Variants in SPATA13 observed in about 807,000 individuals in gnomAD.
The protein encoded by SPATA13 is spermatogenesis associated 13.
In SPATA13, 50 loss-of-function variants were observed where a neutral mutation model predicts 104.0. The ratio of observed to expected loss-of-function variants is 0.48; its 90% CI spans 0.38 to 0.61. SPATA13 has a LOEUF of 0.61. Among genes scored for constraint, SPATA13 ranks in the 20% least tolerant of loss-of-function variants. The pLI, the probability that SPATA13 is intolerant of heterozygous loss-of-function variation, is 0.00. For synonymous variants in SPATA13, 606 were observed against 667.5 expected (o/e 0.91, Z 1.42); for missense variants, 1,524 against 1,690.6 (o/e 0.90, Z 1.73).
chr13:24,302,852 A>G lies in SPATA13; in HGVS notation c.*79A>G. The G allele has an allele frequency of 6.3e-7, 1 of 1,592,506 alleles. No homozygotes were observed. The highest frequency in any genetic ancestry group is 1.3e-5 in the African/African-American group (1 of 74,652). On this transcript the variant is annotated 3_prime_UTR_variant, in exon 13 of 13. Transcript: ENST00000382108. ...GTTTCTTGTGTGCTTCAATCCAGGG[A>G]AAGTTTCTTGGACCCAGTGATAAAA...
rs1229983917 is a variant in SPATA13 at position 24,249,621 on chromosome 13, A to T, written c.1798A>T (p.Ser600Cys). 1.2e-6 allele frequency: 2 copies of T among 1,613,698 alleles called. No individual in the cohort carries two copies. The highest frequency in any genetic ancestry group is 1.7e-6 in the Non-Finnish European group (2 of 1,179,806). Residue 600 changes from serine (S) to cysteine (C), a missense_variant, in exon 3 of 13, where the codon AGT (serine) becomes TGT (cysteine). Around this residue, in one of 2 missense-constraint regions of SPATA13, gnomAD observed 1,089 missense variants for 1,135.9 expected, o/e 0.96. Coordinates refer to ENST00000382108, the MANE Select transcript of SPATA13 (RefSeq NM_001166271.3). ...FSDYGQLASR[S>C]LSIPEDSVAA... ...TGACTACGGCCAGCTGGCCAGCCGC[A>T]GTTTGTCTATTCCTGAAGACTCGGT... is the stretch of plus-strand genomic sequence containing the variant.
At chr13:24,216,167 T>A (rs1215782625) in intron 1 of SPATA13, among the ~76,000 whole-genome samples, 1 of 152,102 alleles carries the variant, frequency 6.6e-6, no homozygotes, top group Admixed American at 6.5e-5. Flanking sequence ...GGAGGGGCAT[T>A]ATGGAGGATG....
At chr13:24,103,824 A>G (rs955764967) in intron 3 of SPATA13, among the ~76,000 whole-genome samples, 1 of 152,020 alleles carries the variant, frequency 6.6e-6, no homozygotes, top group Non-Finnish European at 1.5e-5. Context: ...TTTCCAGAGA[A>G]TTTTCATCCC....
chr13:23,982,464 C>T (rs1874946027), intron 1 of SPATA13, among the ~76,000 whole-genome samples: 1 of 152,064 alleles, frequency 6.6e-6, no homozygotes, highest in Non-Finnish European at 1.5e-5. Flanking sequence ...TATTAACTGG[C>T]AGAAAAAGCA....
intron 3 of SPATA13, chr13:24,034,623 C>G (rs1381699638): frequency 6.6e-6 from 1 of 152,188 alleles, no homozygotes; most frequent in Non-Finnish European, 1.5e-5. Flanking sequence ...CACTTGGGCC[C>G]TAGTCTTGTG....
At chr13:24,085,481 A>T (rs1879687339) in intron 3 of SPATA13, among the ~76,000 whole-genome samples, 1 of 152,188 alleles carries the variant, frequency 6.6e-6, no homozygotes, top group Admixed American at 6.5e-5. Context: ...CCAGAGGGGC[A>T]GTGCCGTCTG....
At chr13:24,093,459 TG>T (rs1331028159) in intron 3 of SPATA13, among the ~76,000 whole-genome samples, 1 of 152,178 alleles carries the variant, frequency 6.6e-6, no homozygotes, top group Non-Finnish European at 1.5e-5. Flanking sequence ...AAAATTGAGA[TG>T]GGCCTTAGGT....
intron 9 of SPATA13, among the ~76,000 whole-genome samples, chr13:24,293,219 A>G (rs1270807950): frequency 6.7e-6 from 1 of 150,262 alleles, no homozygotes; most frequent in Non-Finnish European, 1.5e-5. Context: ...AGAAATCAGA[A>G]AAGTTCAGTG....
intron 5 of SPATA13, among the ~76,000 whole-genome samples, chr13:24,285,798 A>G (rs930577670): frequency 6.6e-6 from 1 of 151,114 alleles, no homozygotes; most frequent in Non-Finnish European, 1.5e-5. Context: ...CTCCAGCCTC[A>G]GCCTCCCGAG....
intron 1 of SPATA13, among the ~76,000 whole-genome samples, chr13:24,211,042 G>A (rs1958592496): frequency 6.6e-6 from 1 of 152,036 alleles, no homozygotes; most frequent in Admixed American, 6.6e-5. Context: ...TTTTCAGATA[G>A]TACATTGTTA....
At position 24,248,242 on chromosome 13, in the gene SPATA13, C is replaced by T. The variant is rs115622005; in HGVS notation, c.1654-1235C>T. On this transcript the variant is annotated intron_variant, in intron 2 of 12. Coordinates refer to ENST00000382108, the MANE Select transcript of SPATA13 (RefSeq NM_001166271.3). The stretch of plus-strand genomic sequence containing the variant: ...TGGTTACTCCATGGCCCAGCTTTTT[C>T]AGAGCAGCAAAGAACTCCTGCCATA... Among the ~76,000 whole-genome samples the T allele has an allele frequency of 8.5e-4, 130 of 152,308 alleles. 1 individual carries two copies. The highest frequency in any genetic ancestry group is 3.0e-3 in the African/African-American group (123 of 41,566).
chr13:24,166,134 C>A (rs932485394), intron 1 of SPATA13, among the ~76,000 whole-genome samples: 1 of 152,202 alleles, frequency 6.6e-6, no homozygotes, highest in Non-Finnish European at 1.5e-5. Context: ...GATGATACTT[C>A]ATGCTGGTTT....
At chr13:24,197,044 C>T (rs1870095695) in intron 1 of SPATA13, among the ~76,000 whole-genome samples, 1 of 152,134 alleles carries the variant, frequency 6.6e-6, no homozygotes, top group Admixed American at 6.5e-5. Flanking sequence ...AAGTTACCAG[C>T]AACAGCAGGT....
intron 3 of SPATA13, among the ~76,000 whole-genome samples, chr13:24,019,094 T>TTA (rs1555254613): frequency 1.3e-4 from 7 of 53,086 alleles, no homozygotes; most frequent in African/African-American, 2.6e-4. Flanking sequence ...ATTATTATTA[T>TTA]TTTTTTTTTT....
In SPATA13 at chr13:24,015,208, A is replaced by G. The variant is rs529025892; in HGVS notation, c.-146-2459A>G. On this transcript the variant is annotated intron_variant, in intron 2 of 14. Transcript: ENST00000424834. ...TGCCTGGCCACTGGATTTTTATAGT[A>G]AACAATGACCTCTGTGACTCTTAAC... Among the ~76,000 whole-genome samples, 19 of 152,250 alleles carry G rather than the reference A, an allele frequency of 1.2e-4. No homozygotes were observed. In the South Asian group the frequency reaches 2.3e-3, roughly 18 times the overall value.
In SPATA13 at chr13:24,286,795, A is replaced by G; in HGVS notation, c.2512A>G (p.Asn838Asp). 1 of 1,613,594 alleles carries G rather than the reference A, an allele frequency of 6.2e-7. No homozygotes were observed. Among genetic ancestry groups the G allele is most frequent in the Non-Finnish European group, 8.5e-7 (1 of 1,179,942 alleles). The change falls in exon 7 of 13, where the codon AAC (asparagine) becomes GAC (aspartate). Residue 838 changes from asparagine to aspartate, a missense_variant. Coordinates refer to ENST00000382108, the MANE Select transcript of SPATA13 (RefSeq NM_001166271.3). The surrounding 1 kb of genome is among the most constrained non-coding windows in gnomAD (Gnocchi z 4.9). ...LRVNQEELSE[N>D]SSSTPSEEQD... ...AGTGAATCAGGAAGAGCTGTCGGAA[A>G]ACTCCAGCAGCACCCCCAGTGAGGA... is the stretch of plus-strand genomic sequence containing the variant.
At chr13:24,226,058 G>T (rs1323536136) in intron 2 of SPATA13, among the ~76,000 whole-genome samples, 1 of 152,188 alleles carries the variant, frequency 6.6e-6, no homozygotes, top group Non-Finnish European at 1.5e-5. Flanking sequence ...AATGAGTGGC[G>T]GAGTCTGGGG....
chr13:24,133,542 A>C (rs928777586), intron 3 of SPATA13, among the ~76,000 whole-genome samples: 1 of 152,162 alleles, frequency 6.6e-6, no homozygotes, highest in Non-Finnish European at 1.5e-5. Context: ...AGATGAGGGA[A>C]AAAAAGCAAG....
intron 3 of SPATA13, chr13:24,122,307 A>T: frequency 1.4e-6 from 2 of 1,393,758 alleles, no homozygotes; most frequent in Non-Finnish European, 2.0e-6. Context: ...AACTATTCAA[A>T]CTATCGATTT....
Sources: gnomAD v4.1 joint callset for allele counts (sites outside exome capture counted in the v4.1 genomes callset) on GRCh38, gnomAD v4.1.1 for gene constraint, gnomAD v4.1.1 regional missense constraint, Gnocchi (gnomAD v3.1) non-coding constraint, MANE v1.5 for transcripts, NCBI Gene and HGNC (gene_info 2026-07-23, HGNC 2026-07-21) for gene names.